The following SOX6 variants were observed in gnomAD, a reference collection of about 807,000 sequenced individuals.
The protein encoded by SOX6 is transcription factor SOX-6.
SOX6 carries 11 observed loss-of-function variants against 97.8 expected under a neutral mutation model. The observed-to-expected ratio is 0.11, with a 90% CI of 0.07 to 0.19. The LOEUF is 0.19. SOX6 is among the 10% of genes least tolerant of loss of function. SOX6 has a pLI of 1.00. For synonymous variants in SOX6, 360 were observed against 371.4 expected, an observed-to-expected ratio of 0.97 and a Z score of 0.35; for missense variants, 810 against 1,039.5, an observed-to-expected ratio of 0.78 and a Z score of 3.04.
intron 2 of SOX6, among the ~76,000 whole-genome samples, chr11:16,716,641 C>T (rs1848221544): frequency 6.6e-6 from 1 of 152,048 alleles, no homozygotes; most frequent in Non-Finnish European, 1.5e-5. Flanking sequence ...CAAAAATGTT[C>T]ATAGCAGCAT....
At chr11:16,286,706 T>A (rs1854754003) in intron 3 of SOX6, among the ~76,000 whole-genome samples, 1 of 152,160 alleles carries the variant, frequency 6.6e-6, no homozygotes, top group African/African-American at 2.4e-5. Context: ...CTATTTTCTA[T>A]CTTCCAATTA....
intron 13 of SOX6, among the ~76,000 whole-genome samples, chr11:16,008,008 C>A (rs1248371393): frequency 2.6e-5 from 4 of 152,012 alleles, no homozygotes; most frequent in Non-Finnish European, 5.9e-5. Flanking sequence ...AGTTCCAGGA[C>A]CCCCTACAGA....
chr11:16,212,753 C>T (rs1003169067), intron 4 of SOX6, among the ~76,000 whole-genome samples: 2 of 152,042 alleles, frequency 1.3e-5, no homozygotes, highest in African/African-American at 4.8e-5. Flanking sequence ...TTTTCCAATC[C>T]GATGGATGCA....
At chr11:16,501,296 T>C (rs1310168365) in intron 4 of SOX6, among the ~76,000 whole-genome samples, 3 of 151,940 alleles carry the variant, frequency 2.0e-5, no homozygotes, top group Admixed American at 6.6e-5. Flanking sequence ...TTACACCTTA[T>C]ATAAAAATTA....
chr11:16,154,362 C>T (rs1177385824), intron 6 of SOX6, among the ~76,000 whole-genome samples: 1 of 152,136 alleles, frequency 6.6e-6, no homozygotes, highest in Non-Finnish European at 1.5e-5. Flanking sequence ...CATGCTGCGA[C>T]AAATTACAGA....
chr11:16,404,504 A>G (rs1461078911), intron 1 of SOX6, among the ~76,000 whole-genome samples: 1 of 151,948 alleles, frequency 6.6e-6, no homozygotes, highest in Non-Finnish European at 1.5e-5. Flanking sequence ...CATGTTATCA[A>G]TAGAAAGCCA....
chr11:16,426,437 T>C (rs747221883), intron 1 of SOX6, among the ~76,000 whole-genome samples: 3 of 151,806 alleles, frequency 2.0e-5, no homozygotes, highest in Non-Finnish European at 2.9e-5. Flanking sequence ...CAAAACAGCA[T>C]GGTACTGGCA....
At chr11:16,520,041 C>A (rs1861033677) in intron 4 of SOX6, among the ~76,000 whole-genome samples, 1 of 152,140 alleles carries the variant, frequency 6.6e-6, no homozygotes, top group African/African-American at 2.4e-5. Flanking sequence ...AATTTTAATG[C>A]AGTTATTTGT....
intron 15 of SOX6, among the ~76,000 whole-genome samples, chr11:15,975,986 G>A (rs1853469205): frequency 6.6e-6 from 1 of 152,164 alleles, no homozygotes. Context: ...GTGAGAGTGA[G>A]ATGCATGATA....
At chr11:16,708,608 C>G (rs1294266077) in intron 3 of SOX6, among the ~76,000 whole-genome samples, 1 of 152,128 alleles carries the variant, frequency 6.6e-6, no homozygotes, top group Non-Finnish European at 1.5e-5. Context: ...ATGGCTTTTG[C>G]CTTCTTGCTA....
chr11:16,214,861 T>C (rs1852328907), intron 4 of SOX6, among the ~76,000 whole-genome samples: 1 of 151,174 alleles, frequency 6.6e-6, no homozygotes, highest in Non-Finnish European at 1.5e-5. Flanking sequence ...GCAATTCTCC[T>C]GCCTCAGCCT....
chr11:16,614,292 C>G (rs1236032549), intron 3 of SOX6, among the ~76,000 whole-genome samples: 1 of 152,112 alleles, frequency 6.6e-6, no homozygotes, highest in Non-Finnish European at 1.5e-5. Flanking sequence ...TCTCCCGCTT[C>G]CTCTCCACCT....
intron 6 of SOX6, among the ~76,000 whole-genome samples, chr11:16,147,443 T>A (rs1416239099): frequency 6.6e-6 from 1 of 152,070 alleles, no homozygotes; most frequent in Non-Finnish European, 1.5e-5. Flanking sequence ...ATGGCACATG[T>A]ATACATATGT....
intron 6 of SOX6, 35 bp downstream of exon 6, chr11:16,183,851 A>C (rs749442053): frequency 9.4e-6 from 15 of 1,591,632 alleles, no homozygotes; most frequent in Non-Finnish European, 1.1e-5. Context: ...AAAGTATCTA[A>C]GTATAATCAG....
At chr11:16,118,820 T>C in intron 6 of SOX6, among the ~76,000 whole-genome samples, 1 of 152,238 alleles carries the variant, frequency 6.6e-6, no homozygotes, top group Non-Finnish European at 1.5e-5. Context: ...TAATGTCTAT[T>C]ACTGAGTTAA....
chr11:16,065,853 G>A (rs993535972), intron 9 of SOX6, among the ~76,000 whole-genome samples: 2 of 152,088 alleles, frequency 1.3e-5, no homozygotes, highest in Admixed American at 6.6e-5. Flanking sequence ...ATGGGTCTGG[G>A]CAAAGATTTC....
At chr11:16,137,304 T>C (rs1164357097) in intron 6 of SOX6, among the ~76,000 whole-genome samples, 1 of 152,104 alleles carries the variant, frequency 6.6e-6, no homozygotes, top group Non-Finnish European at 1.5e-5. Flanking sequence ...CATGCGCCTG[T>C]AGTCTCAGCT....
At chr11:16,568,792 T>C (rs1194321577) in intron 4 of SOX6, among the ~76,000 whole-genome samples, 1 of 152,178 alleles carries the variant, frequency 6.6e-6, no homozygotes, top group East Asian at 1.9e-4. Flanking sequence ...CATAACATTA[T>C]AGAATATGGA....
At chr11:16,709,424 A>AC (rs1402141539) in intron 3 of SOX6, among the ~76,000 whole-genome samples, 1 of 152,156 alleles carries the variant, frequency 6.6e-6, no homozygotes, top group Non-Finnish European at 1.5e-5. Context: ...ACGCTGAGGC[A>AC]CGAGAATCAC....
Sources: allele counts gnomAD v4.1 joint callset (sites outside exome capture counted in the v4.1 genomes callset), GRCh38; gene constraint gnomAD v4.1.1; transcripts MANE v1.5; gene names NCBI Gene and HGNC (gene_info 2026-07-23, HGNC 2026-07-21).